Variants in TECPR1 observed in about 807,000 individuals in gnomAD.
The protein encoded by TECPR1 is tectonin beta-propeller repeat-containing protein 1.
TECPR1 carries 122 observed loss-of-function variants against 162.4 expected under a neutral mutation model. The ratio of observed to expected loss-of-function variants is 0.75; its 90% confidence interval spans 0.65 to 0.87. TECPR1 has a LOEUF of 0.87. Ranked by LOEUF, TECPR1 falls within the 40% of genes least tolerant of loss-of-function variation. TECPR1 has a pLI of 0.00. For missense variants in TECPR1, 1,432 were observed against 1,618.2 expected, an observed-to-expected ratio of 0.88 and a Z score of 1.97; for synonymous variants, 642 against 670.6, an observed-to-expected ratio of 0.96 and a Z score of 0.66.
chr7:98,244,796 C>T, intron 4 of TECPR1, 89 bp downstream of exon 4: 3 of 1,583,928 alleles, frequency 1.9e-6, no homozygotes, highest in Admixed American at 1.7e-5. Flanking sequence ...CGAGCTCAGG[C>T]ACCACAGGGT....
chr7:98,223,804 C>G, intron 19 of TECPR1, 86 bp from the exon 20 acceptor site: 1 of 1,437,274 alleles, frequency 7.0e-7, no homozygotes, highest in Non-Finnish European at 9.8e-7. Flanking sequence ...TTGTTCTACC[C>G]GTTACAGGGC....
chr7:98,236,762 C>G lies in TECPR1; in HGVS notation c.1181+14G>C, dbSNP rs375156971. 1.2e-4 allele frequency: 193 copies of G among 1,592,654 alleles called. 1 individual carries two copies. The highest frequency in any genetic ancestry group is 1.4e-4 in the Non-Finnish European group (167 of 1,173,182). On this transcript the variant is annotated intron_variant, in intron 10 of 25. Coordinates refer to ENST00000447648, the MANE Select transcript of TECPR1 (RefSeq NM_015395.3). ...CCCAGCCTGACTCCTGCGCACCCTG[C>G]CACCCCCAGTCACCTGAGGAGACTA...
chr7:98,232,765 C>A lies in TECPR1; in HGVS notation c.1818+62G>T. On this transcript the variant is annotated intron_variant, in intron 12 of 25. Transcript: ENST00000447648. This position sits in a 1 kb window ranked among gnomAD's most constrained non-coding sequence, Gnocchi z 4.6. ...TCTCTCAGAGCTGGTACACAGCAGG[C>A]GCTCAATGAATGATTGCTGGAAAAA... The A allele has an allele frequency of 6.8e-7, 1 of 1,478,620 alleles. No homozygotes were observed. The highest frequency in any genetic ancestry group is 9.0e-7 in the Non-Finnish European group (1 of 1,114,814). 91.6% of individuals were successfully genotyped at this position (1,478,620 alleles called of 1,614,324 possible).
chr7:98,217,186 C>T lies in TECPR1; in HGVS notation c.*204G>A. On this transcript the variant is annotated 3_prime_UTR_variant, in exon 26 of 26. Transcript: ENST00000447648. Reference sequence around the variant, plus strand: ...CCCCGGGACTCCTCGCAGACGGGGACACGTGTGGGAGTGTCCGCGGAGCTT... The same window carrying T: ...CCCCGGGACTCCTCGCAGACGGGGATACGTGTGGGAGTGTCCGCGGAGCTT... 3 of 536,922 alleles carry T rather than the reference C, an allele frequency of 5.6e-6. No homozygotes were observed. Among genetic ancestry groups the T allele is most frequent in the Non-Finnish European group, 9.9e-6 (3 of 303,624 alleles). 33.3% of individuals were successfully genotyped at this position (536,922 alleles called of 1,614,324 possible). A position where few individuals can be genotyped will look rare whatever the true frequency, so the allele number is the denominator to read the frequency against.
At chr7:98,242,016 T>A (rs1215952967) in intron 6 of TECPR1, among the ~76,000 whole-genome samples, 1 of 152,164 alleles carries the variant, frequency 6.6e-6, no homozygotes, top group East Asian at 1.9e-4. Context: ...CCTCTCTCTC[T>A]TTGCATCCAG....
At chr7:98,218,275 C>T (rs1426155429) in intron 23 of TECPR1, among the ~76,000 whole-genome samples, 1 of 152,218 alleles carries the variant, frequency 6.6e-6, no homozygotes, top group Non-Finnish European at 1.5e-5. Flanking sequence ...GGGCGTCCCC[C>T]GAGCCTCATA....
chr7:98,241,380 C>CAAAAACAAAA lies in TECPR1; in HGVS notation c.658-137_658-136insTTTTGTTTTT. 1 of 1,002,674 alleles carries CAAAAACAAAA rather than the reference C, an allele frequency of 1.0e-6. No individual in the cohort carries two copies. Among genetic ancestry groups the CAAAAACAAAA allele is most frequent in the South Asian group, 1.7e-5 (1 of 60,406 alleles). 62.1% of individuals were successfully genotyped at this position (1,002,674 alleles called of 1,614,324 possible). A position where few individuals can be genotyped will look rare whatever the true frequency, so the allele number is the denominator to read the frequency against. On this transcript the variant is annotated intron_variant, in intron 6 of 25. Coordinates refer to ENST00000447648, the MANE Select transcript of TECPR1 (RefSeq NM_015395.3). The surrounding 1 kb of genome is among the most constrained non-coding windows in gnomAD (Gnocchi z 5.0). The stretch of plus-strand genomic sequence containing the variant: ...CTCACTCCCTGCCCCCTACCCCGGC[C>CAAAAACAAAA]AAAAAACGCAAACCCTGGATTCCGG...
intron 17 of TECPR1, among the ~76,000 whole-genome samples, chr7:98,225,609 T>C (rs894322652): frequency 2.0e-5 from 3 of 151,962 alleles, no homozygotes; most frequent in South Asian, 2.1e-4. Flanking sequence ...GAAAAGACTT[T>C]CTTTCTCTCT....
At chr7:98,226,467 C>T in intron 17 of TECPR1, 1 of 1,014,050 alleles carries the variant, frequency 9.9e-7, no homozygotes, top group African/African-American at 1.7e-5. Context: ...GTCATGGAGC[C>T]ACCTCCCTGT....
At chr7:98,251,073 T>C (rs1799052539) in intron 2 of TECPR1, 1 of 152,074 alleles carries the variant, frequency 6.6e-6, no homozygotes, top group South Asian at 2.1e-4. Flanking sequence ...GTCAGAGGAC[T>C]CTTGAAAGGG....
Position 98,233,851 on chromosome 7 carries a change from G to A in TECPR1, c.1242C>T (p.Thr414=), listed in dbSNP as rs902211674. 6.4e-6 allele frequency: 10 copies of A among 1,570,264 alleles called. No homozygotes were observed. Among genetic ancestry groups the A allele is most frequent in the South Asian group, 4.6e-5 (4 of 86,236 alleles). The part of the protein sequence containing the change: ...RGSGESAPSD[T]DASSEVERPG... ...GTCTCTCGACTTCCGAGGAGGCATCGGTGTCGCTGGGGGCAGACTCGCCAC... is the reference window on the plus strand; with the variant it reads ...GTCTCTCGACTTCCGAGGAGGCATCAGTGTCGCTGGGGGCAGACTCGCCAC... The change falls in exon 11 of 26, where the codon ACC becomes ACT. Residue 414 remains threonine, a synonymous_variant. Transcript: ENST00000447648.
rs991654545 is a variant in TECPR1 at position 98,239,869 on chromosome 7, G to C, written c.933+982C>G. On this transcript the variant is annotated intron_variant, in intron 8 of 25. Transcript: ENST00000447648. ...CTCATGCCTGTAATCCCAGCACTTT[G>C]GGAGGCTGAGGCGGGCGGATCATGA... is the stretch of plus-strand genomic sequence containing the variant. 7.0e-4 allele frequency among the ~76,000 whole-genome samples: 107 copies of C among 152,246 alleles called. 2 individuals are homozygous for C. Among genetic ancestry groups the C allele is most frequent in the African/African-American group, 2.5e-3 (104 of 41,542 alleles).
At chr7:98,221,811 G>A in intron 22 of TECPR1, 58 bp from the exon 23 acceptor site, 1 of 1,433,066 alleles carries the variant, frequency 7.0e-7, no homozygotes, top group Non-Finnish European at 9.7e-7. Flanking sequence ...TGGGCCAGGT[G>A]GGGCTGTGGG....
At chr7:98,247,901 T>G (rs935136082) in intron 2 of TECPR1, among the ~76,000 whole-genome samples, 3 of 152,060 alleles carry the variant, frequency 2.0e-5, no homozygotes, top group African/African-American at 7.2e-5. Flanking sequence ...TTTTAAAATT[T>G]TTTTTGTAGA....
At chr7:98,229,961 C>G (rs1403244751) in intron 15 of TECPR1, among the ~76,000 whole-genome samples, 1 of 151,724 alleles carries the variant, frequency 6.6e-6, no homozygotes. Context: ...CTCAGATCCC[C>G]CCCCCAGGGA....
intron 17 of TECPR1, chr7:98,226,732 G>C (rs1199765530): frequency 1.0e-6 from 1 of 997,514 alleles, no homozygotes; most frequent in Admixed American, 2.4e-5. Flanking sequence ...TCAGGAGTTG[G>C]AGACCAGCCT....
chr7:98,222,847 C>T (rs1347418778), intron 21 of TECPR1, 143 bp downstream of exon 21: 2 of 1,151,308 alleles, frequency 1.7e-6, no homozygotes, highest in South Asian at 1.4e-5. Flanking sequence ...CCTGGGCCAA[C>T]TGCCCCAGGG....
intron 23 of TECPR1, among the ~76,000 whole-genome samples, chr7:98,218,459 T>C (rs1798071747): frequency 6.6e-6 from 1 of 152,144 alleles, no homozygotes; most frequent in African/African-American, 2.4e-5. Flanking sequence ...TAGGATCAAA[T>C]ACCTAGAAAA....
intron 2 of TECPR1, among the ~76,000 whole-genome samples, chr7:98,248,395 A>G (rs1393085023): frequency 6.6e-6 from 1 of 152,042 alleles, no homozygotes; most frequent in Non-Finnish European, 1.5e-5. Flanking sequence ...AGACAGGCAG[A>G]GTTTATTTAG....
Sources: allele counts gnomAD v4.1 joint callset (sites outside exome capture counted in the v4.1 genomes callset), GRCh38; gene constraint gnomAD v4.1.1; non-coding constraint Gnocchi (gnomAD v3.1); transcripts MANE v1.5; gene names NCBI Gene and HGNC (gene_info 2026-07-23, HGNC 2026-07-21).